The following CDH12 variants were observed in gnomAD, a reference collection of about 807,000 sequenced individuals.
The protein encoded by CDH12 is cadherin-12.
Under a neutral mutation model 74.1 loss-of-function variants are expected in CDH12, and 41 were observed. The ratio of observed to expected loss-of-function variants is 0.55; its 90% CI spans 0.43 to 0.72. The LOEUF (loss-of-function observed/expected upper bound fraction) is 0.72. Among genes scored for constraint, CDH12 ranks in the 30% least tolerant of loss-of-function variants. The pLI is 0.00. For missense variants in CDH12, 945 were observed against 977.2 expected (o/e 0.97, Z 0.44); for synonymous variants, 399 against 355.0 (o/e 1.12, Z -1.39).
At chr5:22,158,603 T>C (rs200442942) in intron 4 of CDH12, among the ~76,000 whole-genome samples, 2 of 152,252 alleles carry the variant, frequency 1.3e-5, no homozygotes, top group East Asian at 3.9e-4. Flanking sequence ...CAGCTTGATT[T>C]AGAATGAATT....
At chr5:22,301,067 A>AG (rs1210554859) in intron 3 of CDH12, among the ~76,000 whole-genome samples, 1 of 151,266 alleles carries the variant, frequency 6.6e-6, no homozygotes, top group Non-Finnish European at 1.5e-5. Flanking sequence ...AGGTATTAAA[A>AG]ATTGTGTGGA....
intron 1 of CDH12, among the ~76,000 whole-genome samples, chr5:22,593,356 A>C (rs1736439206): frequency 6.6e-6 from 1 of 152,148 alleles, no homozygotes; most frequent in Admixed American, 6.6e-5. Context: ...AGGGACCAAA[A>C]CCCTAAGGTT....
chr5:22,094,349 C>A (rs939045223), intron 4 of CDH12, among the ~76,000 whole-genome samples: 3 of 152,136 alleles, frequency 2.0e-5, no homozygotes, highest in Non-Finnish European at 4.4e-5. Context: ...CTATGCTGCT[C>A]TTTACGGAGA....
chr5:21,762,867 G>T (rs973600526), intron 12 of CDH12, among the ~76,000 whole-genome samples: 1 of 130,566 alleles, frequency 7.7e-6, no homozygotes, highest in Non-Finnish European at 1.6e-5. Flanking sequence ...AAAAGCTAAA[G>T]AACTGGCTTT....
In CDH12 at chr5:22,131,367, G is replaced by C. The variant is rs536866519; in HGVS notation, c.-186-52505C>G. ...ATTAGTTACCTAGTTAGGCTCTGCAGACTTAATTGTTTATCTCTGACCATA... is the reference window on the plus strand; with the variant it reads ...ATTAGTTACCTAGTTAGGCTCTGCACACTTAATTGTTTATCTCTGACCATA... On this transcript the variant is annotated intron_variant, in intron 4 of 14. Transcript: ENST00000382254. Among the ~76,000 whole-genome samples the C allele has an allele frequency of 7.4e-4, 112 of 152,132 alleles. No homozygotes were observed. In the Middle Eastern group the frequency reaches 0.01, roughly 14 times the overall value.
intron 3 of CDH12, among the ~76,000 whole-genome samples, chr5:22,325,396 C>T (rs1739042629): frequency 6.6e-6 from 1 of 152,070 alleles, no homozygotes. Context: ...GAAGGCTTTA[C>T]CATGTTGATT....
intron 2 of CDH12, among the ~76,000 whole-genome samples, chr5:22,429,711 G>T (rs924101614): frequency 3.3e-5 from 5 of 151,960 alleles, no homozygotes; most frequent in Non-Finnish European, 7.4e-5. Flanking sequence ...CTCATTTTTT[G>T]AAATAGTGAT....
At chr5:21,840,843 C>T (rs1264300453) in intron 8 of CDH12, among the ~76,000 whole-genome samples, 3 of 152,042 alleles carry the variant, frequency 2.0e-5, no homozygotes, top group African/African-American at 4.8e-5. Context: ...TTACACCTTA[C>T]ACAAAAACCA....
At chr5:22,362,384 C>T (rs1357767035) in intron 3 of CDH12, among the ~76,000 whole-genome samples, 1 of 152,122 alleles carries the variant, frequency 6.6e-6, no homozygotes, top group Non-Finnish European at 1.5e-5. Context: ...CAATGAGATA[C>T]CATCTCACAC....
chr5:22,179,934 A>C (rs1389339417), intron 4 of CDH12, among the ~76,000 whole-genome samples: 2 of 152,178 alleles, frequency 1.3e-5, no homozygotes, highest in African/African-American at 4.8e-5. Context: ...ACACATGCAA[A>C]TAGAGTGGGT....
intron 5 of CDH12, among the ~76,000 whole-genome samples, chr5:22,034,101 T>C (rs1312203107): frequency 3.3e-5 from 5 of 152,186 alleles, no homozygotes; most frequent in Non-Finnish European, 7.3e-5. Flanking sequence ...TGGAGTGCAT[T>C]GGTGCTATCT....
chr5:22,509,769 C>T (rs868326776), intron 1 of CDH12, among the ~76,000 whole-genome samples: 1 of 152,132 alleles, frequency 6.6e-6, no homozygotes, highest in Non-Finnish European at 1.5e-5. Flanking sequence ...CAAATACCAG[C>T]TGTTCAAGAC....
At chr5:22,120,361 A>G (rs1387875475) in intron 4 of CDH12, among the ~76,000 whole-genome samples, 1 of 152,180 alleles carries the variant, frequency 6.6e-6, no homozygotes, top group African/African-American at 2.4e-5. Flanking sequence ...CCATTCCCCA[A>G]GAATAAAGGA....
intron 3 of CDH12, among the ~76,000 whole-genome samples, chr5:22,395,776 A>T (rs1742430290): frequency 6.6e-6 from 1 of 152,156 alleles, no homozygotes; most frequent in Non-Finnish European, 1.5e-5. Context: ...GAGCTGTATG[A>T]AGTATCCTGT....
chr5:22,298,886 A>G (rs914699764), intron 3 of CDH12, among the ~76,000 whole-genome samples: 1 of 152,194 alleles, frequency 6.6e-6, no homozygotes, highest in African/African-American at 2.4e-5. Flanking sequence ...TCTTGACTCC[A>G]TATAATTTAC....
At chr5:21,865,655 G>T (rs546315633) in intron 6 of CDH12, among the ~76,000 whole-genome samples, 1 of 152,254 alleles carries the variant, frequency 6.6e-6, no homozygotes, top group East Asian at 1.9e-4. Flanking sequence ...CACTCAGGAA[G>T]GTACAAGCTG....
chr5:22,607,333 C>T (rs760254250), intron 1 of CDH12, among the ~76,000 whole-genome samples: 1 of 152,136 alleles, frequency 6.6e-6, no homozygotes, highest in Non-Finnish European at 1.5e-5. Flanking sequence ...GTCCATTTCA[C>T]ACTGCTGATA....
At chr5:22,436,310 G>T (rs1233533764) in intron 2 of CDH12, among the ~76,000 whole-genome samples, 2 of 62,126 alleles carry the variant, frequency 3.2e-5, no homozygotes, top group Admixed American at 2.1e-4. Context: ...GGAGGGGGGA[G>T]GGATAGCATT....
intron 1 of CDH12, among the ~76,000 whole-genome samples, chr5:22,566,501 G>A (rs553646294): frequency 2.6e-4 from 39 of 152,142 alleles, no homozygotes; most frequent in Admixed American, 3.3e-4. Context: ...AGCTCCCAAA[G>A]TGCTGGGATT....
Sources: allele counts gnomAD v4.1 joint callset (sites outside exome capture counted in the v4.1 genomes callset), GRCh38; gene constraint gnomAD v4.1.1; transcripts MANE v1.5; gene names NCBI Gene and HGNC (gene_info 2026-07-23, HGNC 2026-07-21).